Variants in CERS6 observed in about 807,000 individuals in gnomAD.
CERS6 encodes LAG1 homolog, ceramide synthase 6.
CERS6 carries 26 observed loss-of-function variants against 56.8 expected under a neutral mutation model. The observed-to-expected ratio is 0.46, with a 90% CI of 0.34 to 0.63. CERS6 has a LOEUF of 0.63. Among genes scored for constraint, CERS6 ranks in the 30% least tolerant of loss-of-function variants. The pLI, the probability that CERS6 is intolerant of heterozygous loss-of-function variation, is 0.01. For synonymous variants in CERS6, 164 were observed against 173.3 expected (o/e 0.95, Z 0.42); for missense variants, 415 against 467.5 (o/e 0.89, Z 1.04).
chr2:168,480,274 T>C (rs1271256898), intron 1 of CERS6, among the ~76,000 whole-genome samples: 1 of 152,208 alleles, frequency 6.6e-6, no homozygotes, highest in Non-Finnish European at 1.5e-5. Flanking sequence ...TGCCTTAGCA[T>C]ACGTAATTGA....
intron 3 of CERS6, among the ~76,000 whole-genome samples, chr2:168,592,448 G>A (rs1383954421): frequency 2.6e-5 from 4 of 152,182 alleles, no homozygotes; most frequent in African/African-American, 7.2e-5. Flanking sequence ...AACCTTAACC[G>A]GGGCAGCAAT....
intron 1 of CERS6, among the ~76,000 whole-genome samples, chr2:168,502,692 T>C (rs1402361091): frequency 6.6e-6 from 1 of 152,236 alleles, no homozygotes; most frequent in Non-Finnish European, 1.5e-5. Flanking sequence ...ACATCTGCTG[T>C]CTATATAAAT....
intron 2 of CERS6, among the ~76,000 whole-genome samples, chr2:168,559,673 C>T (rs1214767576): frequency 3.6e-5 from 5 of 140,038 alleles, no homozygotes; most frequent in Admixed American, 1.5e-4. Context: ...TTTTGGGGAG[C>T]GCAGCATTCA....
intron 6 of CERS6, among the ~76,000 whole-genome samples, 163 bp from the exon 7 acceptor site, chr2:168,714,838 T>C (rs1349134274): frequency 6.6e-6 from 1 of 152,148 alleles, no homozygotes; most frequent in Non-Finnish European, 1.5e-5. Flanking sequence ...TCCCAACACG[T>C]GATGGACTCC....
chr2:168,495,669 A>G (rs1353222223), intron 1 of CERS6, among the ~76,000 whole-genome samples: 2 of 152,230 alleles, frequency 1.3e-5, no homozygotes, highest in Non-Finnish European at 2.9e-5. Context: ...CTGAAACTTG[A>G]AAGTGAGAAA....
rs1024496941 is a variant in CERS6 at position 168,773,012 on chromosome 2, A to G, written c.*3350A>G. 3.3e-5 allele frequency: 5 copies of G among 152,238 alleles called. No homozygotes were observed. Among genetic ancestry groups the G allele is most frequent in the African/African-American group, 1.2e-4 (5 of 41,456 alleles). The allele number at this position is 152,238 out of a possible 1,614,324, so 9.4% of individuals were successfully genotyped here. ...AACTAAATGCCTTCATCTTAGGTAG[A>G]AAGGGCCTGAATCTTCCATTTTATA... On this transcript the variant is annotated 3_prime_UTR_variant, in exon 10 of 10. Transcript: ENST00000305747.
At chr2:168,653,454 A>G (rs538626445) in intron 4 of CERS6, among the ~76,000 whole-genome samples, 1 of 152,218 alleles carries the variant, frequency 6.6e-6, no homozygotes, top group Non-Finnish European at 1.5e-5. Context: ...TAACACAATG[A>G]AGGATTCTAG....
chr2:168,456,663 C>T lies in CERS6; in HGVS notation c.170+45C>T. On this transcript the variant is annotated intron_variant, in intron 1 of 9. Transcript: ENST00000305747. The surrounding 1 kb of genome is among the most constrained non-coding windows in gnomAD (Gnocchi z 4.1). ...CTCCTCCCCTCCCCCTGCGCACACA[C>T]ACGCGCGCACACACTCGCGCGCTCT... is the stretch of plus-strand genomic sequence containing the variant. 1 of 1,571,436 alleles carries T rather than the reference C, an allele frequency of 6.4e-7. No homozygotes were observed. The highest frequency in any genetic ancestry group is 1.4e-5 in the African/African-American group (1 of 73,602).
chr2:168,734,740 CA>C (rs1683661655), intron 8 of CERS6, among the ~76,000 whole-genome samples: 1 of 152,088 alleles, frequency 6.6e-6, no homozygotes, highest in Non-Finnish European at 1.5e-5. Flanking sequence ...AGCAATGGGA[CA>C]AAAACAAAAG....
At chr2:168,462,620 C>T (rs1693798388) in intron 1 of CERS6, among the ~76,000 whole-genome samples, 1 of 152,218 alleles carries the variant, frequency 6.6e-6, no homozygotes, top group Non-Finnish European at 1.5e-5. Context: ...CCTTAGCTCA[C>T]TACAGCCTTG....
intron 1 of CERS6, among the ~76,000 whole-genome samples, chr2:168,518,073 A>G (rs761867943): frequency 2.6e-5 from 4 of 152,224 alleles, no homozygotes; most frequent in Non-Finnish European, 5.9e-5. Flanking sequence ...AGGACGTGTC[A>G]TAATTTAGTC....
At chr2:168,545,958 C>T (rs1038340000) in intron 1 of CERS6, among the ~76,000 whole-genome samples, 1 of 152,158 alleles carries the variant, frequency 6.6e-6, no homozygotes. Context: ...ACCATTGGAA[C>T]AGTTGTGTCC....
intron 6 of CERS6, among the ~76,000 whole-genome samples, chr2:168,702,640 T>A (rs949072499): frequency 1.4e-4 from 21 of 152,236 alleles, no homozygotes; most frequent in Non-Finnish European, 1.5e-4. Flanking sequence ...TCCAGATAAC[T>A]AATGCATGAT....
rs1365755181 is a variant in CERS6, at chr2:168,615,373, T to C, written c.408-15612T>C. The stretch of plus-strand genomic sequence containing the variant: ...TGGATCCAAACCAAGAAGAAATCCC[T>C]GATTGACCTGAAAAAGAATCCAGAA... On this transcript the variant is annotated intron_variant, in intron 3 of 9. Transcript: ENST00000305747. Among the ~76,000 whole-genome samples the C allele has an allele frequency of 5.3e-5, 8 of 151,938 alleles. No homozygotes were observed. The East Asian group carries it at 1.5e-3, about 29-fold the overall frequency.
chr2:168,724,168 G>A (rs1312893784), intron 8 of CERS6, among the ~76,000 whole-genome samples: 3 of 152,010 alleles, frequency 2.0e-5, no homozygotes, highest in Non-Finnish European at 2.9e-5. Flanking sequence ...TCGTGGTCTC[G>A]CTGGCTCAGG....
chr2:168,477,245 T>C (rs1234397947), intron 1 of CERS6, among the ~76,000 whole-genome samples: 1 of 150,512 alleles, frequency 6.6e-6, no homozygotes, highest in East Asian at 2.0e-4. Flanking sequence ...ATTCCATTCA[T>C]GGTTGGTTCC....
intron 3 of CERS6, among the ~76,000 whole-genome samples, chr2:168,586,534 A>C (rs1056322233): frequency 6.6e-6 from 1 of 152,202 alleles, no homozygotes; most frequent in African/African-American, 2.4e-5. Context: ...CCGATCTTCA[A>C]ATATAGCAAA....
chr2:168,508,048 AT>A lies in CERS6; in HGVS notation c.171-39542del, dbSNP rs1247390801. On this transcript the variant is annotated intron_variant, in intron 1 of 9. Coordinates refer to ENST00000305747, the MANE Select transcript of CERS6 (RefSeq NM_203463.3). ...TCACTGAGCATGAAGGGAGTTCTTG[AT>A]TTTTTATTTGCTTTTGTCTGTCCAT... 2.0e-5 allele frequency among the ~76,000 whole-genome samples: 3 copies of A among 152,056 alleles called. No individual in the cohort carries two copies. In the South Asian group the frequency reaches 6.2e-4, roughly 31 times the overall value.
chr2:168,724,392 A>C lies in CERS6; in HGVS notation c.845+6414A>C, dbSNP rs112154342. Among the ~76,000 whole-genome samples the C allele has an allele frequency of 3.0e-3, 456 of 152,256 alleles. 4 individuals carry two copies. The highest frequency in any genetic ancestry group is 0.01 in the African/African-American group (425 of 41,528). On this transcript the variant is annotated intron_variant, in intron 8 of 9. Transcript: ENST00000305747. Reference sequence around the variant, plus strand: ...AAGAGCGAAAGAACAAAGCTTCCACAGTGTGGAAGGCAACCTGAGTGGGTG... The same window carrying C: ...AAGAGCGAAAGAACAAAGCTTCCACCGTGTGGAAGGCAACCTGAGTGGGTG...
Sources: gnomAD v4.1 joint callset for allele counts (sites outside exome capture counted in the v4.1 genomes callset) on GRCh38, gnomAD v4.1.1 for gene constraint, Gnocchi (gnomAD v3.1) non-coding constraint, MANE v1.5 for transcripts, NCBI Gene and HGNC (gene_info 2026-07-23, HGNC 2026-07-21) for gene names.